Variants in HNRNPH1 observed in about 807,000 individuals in gnomAD.
HNRNPH1 encodes the protein heterogeneous nuclear ribonucleoprotein H.
Under a neutral mutation model 58.6 loss-of-function variants are expected in HNRNPH1, and 4 were observed. The ratio of observed to expected loss-of-function variants is 0.07; its 90% CI spans 0.03 to 0.16. HNRNPH1 has a LOEUF of 0.16. HNRNPH1 is among the 10% of genes least tolerant of loss of function. The probability of loss-of-function intolerance (pLI) is 1.00; values close to 1 mark genes in which losing one functional copy is unlikely to be tolerated. For synonymous variants in HNRNPH1, 192 were observed against 189.2 expected (o/e 1.01, Z -0.12); for missense variants, 271 against 564.2 (o/e 0.48, Z 5.26).
chr5:179,618,514 A>C, intron 4 of HNRNPH1, 191 bp from the exon 6 acceptor site: 1 of 434,794 alleles, frequency 2.3e-6, no homozygotes, highest in Non-Finnish European at 4.0e-6. Context: ...GACAATGTAA[A>C]CTTTATAGAA....
chr5:179,622,657 G>A (rs1773065889), intron 1 of HNRNPH1, among the ~76,000 whole-genome samples: 1 of 152,176 alleles, frequency 6.6e-6, no homozygotes, highest in African/African-American at 2.4e-5. Context: ...GTTGCAGTGA[G>A]CCGAGAACGC....
exon 1 of HNRNPH1, chr5:179,624,453 G>T (rs1258179960): frequency 5.0e-6 from 2 of 398,342 alleles, no homozygotes; most frequent in African/African-American, 4.1e-5. Flanking sequence ...GGCCTTGACT[G>T]CCCTGGGGCC....
chr5:179,620,478 C>T (rs549142344), intron 3 of HNRNPH1, among the ~76,000 whole-genome samples: 2 of 152,220 alleles, frequency 1.3e-5, no homozygotes, highest in South Asian at 2.1e-4. Flanking sequence ...TTAGATGCTT[C>T]TGGTCACATG....
intron 11 of HNRNPH1, chr5:179,615,818 T>C (rs1769272883): frequency 9.5e-6 from 5 of 525,972 alleles, no homozygotes; most frequent in African/African-American, 1.9e-5. Context: ...TTTTAATACA[T>C]GGAGGCAGAT....
upstream of HNRNPH1, among the ~76,000 whole-genome samples, chr5:179,628,338 G>C (rs1378147017): frequency 6.6e-6 from 1 of 151,906 alleles, no homozygotes; most frequent in Non-Finnish European, 1.5e-5. Context: ...ATTTTCTTCT[G>C]CTTTTTTAAA....
intron 2 of HNRNPH1, among the ~76,000 whole-genome samples, chr5:179,630,979 T>G (rs1472591636): frequency 6.6e-6 from 1 of 152,102 alleles, no homozygotes; most frequent in Non-Finnish European, 1.5e-5. Flanking sequence ...TACATTTCAT[T>G]AAAGCATACA....
Position 179,616,341 on chromosome 5 carries a change from C to G in HNRNPH1, c.1208-123G>C, listed in dbSNP as rs984961284. 4 of 770,686 alleles carry G rather than the reference C, an allele frequency of 5.2e-6. No individual in the cohort carries two copies. In the Admixed American group the frequency reaches 8.1e-5, roughly 16 times the overall value. The allele number at this position is 770,686 out of a possible 1,614,324, so 47.7% of individuals were successfully genotyped here. On this transcript the variant is annotated intron_variant, in intron 10 of 12. Coordinates refer to ENST00000356731, the Ensembl canonical transcript of HNRNPH1. ...GATCTTACATTACTGTAACCCTCTG[C>G]CTCCTTCTGCCTACTGTCTATAACC...
rs1384419634 is a variant in HNRNPH1, at chr5:179,633,530, T to TATCCATCTCCTGACC, written c.-32+520_-32+534dup. Among the ~76,000 whole-genome samples the TATCCATCTCCTGACC allele has an allele frequency of 6.9e-5, 10 of 145,958 alleles. 1 individual carries two copies. The highest frequency in any genetic ancestry group is 2.1e-4 in the Admixed American group (3 of 14,184). On this transcript the variant is annotated intron_variant, in intron 2 of 4. Transcript: ENST00000521116. ...GGTTTCACCGTGTCAGCCGGGATGG[T>TATCCATCTCCTGACC]ATCCATCTCCTGACCTCGTGATCCA...
intron 10 of HNRNPH1, 54 bp downstream of exon 11, chr5:179,616,815 T>C (rs535645018): frequency 9.5e-6 from 13 of 1,372,428 alleles, no homozygotes; most frequent in Admixed American, 3.8e-5. Flanking sequence ...TAACTTATAA[T>C]TGACTTATAC....
At chr5:179,621,600 C>A in intron 1 of HNRNPH1, 1 of 572,734 alleles carries the variant, frequency 1.7e-6, no homozygotes, top group South Asian at 2.2e-5. Flanking sequence ...TCCAACCCAT[C>A]AACAACATAC....
chr5:179,618,088 T>C (rs755752852), intron 5 of HNRNPH1, 28 bp from the exon 7 acceptor site: 36 of 1,613,400 alleles, frequency 2.2e-5, no homozygotes, highest in Non-Finnish European at 2.9e-5. Context: ...ATCAATCAAA[T>C]AAAACACCTA....
intron 10 of HNRNPH1, chr5:179,616,474 G>A (rs1769744044): frequency 1.9e-6 from 1 of 537,938 alleles, no homozygotes; most frequent in African/African-American, 1.9e-5. Flanking sequence ...GTAAGTAGAG[G>A]CATTTTGTGA....
At chr5:179,624,555 T>C (rs1350444433) in exon 1 of HNRNPH1, 3 of 398,624 alleles carry the variant, frequency 7.5e-6, no homozygotes, top group African/African-American at 2.1e-5. Context: ...CAGAGCAGAA[T>C]TGGTAAGAGT....
chr5:179,614,636 T>C, exon 13 of HNRNPH1: 1 of 425,480 alleles, frequency 2.4e-6, no homozygotes. Flanking sequence ...CAGTTATAGT[T>C]TACTCAGCTT....
At chr5:179,630,000 G>C (rs531682723) in intron 2 of HNRNPH1, among the ~76,000 whole-genome samples, 1 of 151,924 alleles carries the variant, frequency 6.6e-6, no homozygotes, top group Non-Finnish European at 1.5e-5. Context: ...CTCGAGCCTC[G>C]GTGACAGAAC....
At chr5:179,619,199 G>A (rs1771172049) in intron 4 of HNRNPH1, 70 bp downstream of exon 5, 1 of 1,295,556 alleles carries the variant, frequency 7.7e-7, no homozygotes, top group Non-Finnish European at 1.1e-6. Flanking sequence ...CTTCTTTTAA[G>A]CAGAGAGAAT....
At chr5:179,617,475 T>G in intron 8 of HNRNPH1, 39 bp downstream of exon 9, 3 of 1,595,342 alleles carry the variant, frequency 1.9e-6, no homozygotes, top group Non-Finnish European at 2.6e-6. Context: ...AGTCACACAA[T>G]CACCTGTTAA....
exon 13 of HNRNPH1, chr5:179,614,831 G>T: frequency 3.2e-6 from 4 of 1,254,236 alleles, no homozygotes; most frequent in Non-Finnish European, 4.5e-6. Context: ...CAGTGATCAG[G>T]ATCGATCAAT....
At chr5:179,624,224 G>A (rs551726247) in exon 1 of HNRNPH1, 3 of 334,638 alleles carry the variant, frequency 9.0e-6, no homozygotes, top group African/African-American at 6.3e-5. Flanking sequence ...CGAACGTCCT[G>A]GGAGCTGCGG....
Sources: allele counts gnomAD v4.1 joint callset (sites outside exome capture counted in the v4.1 genomes callset), GRCh38; gene constraint gnomAD v4.1.1; transcripts MANE v1.5; gene names NCBI Gene and HGNC (gene_info 2026-07-23, HGNC 2026-07-21).